UBA6: variants seen among roughly 807,000 people sequenced by gnomAD.
UBA6 encodes ubiquitin-like modifier-activating enzyme 6.
Under a neutral mutation model 148.3 loss-of-function variants are expected in UBA6, and 87 were observed. The observed-to-expected ratio is 0.59, with a 90% CI of 0.49 to 0.70. UBA6 has a LOEUF of 0.70. Ranked by LOEUF, UBA6 falls within the 30% of genes least tolerant of loss-of-function variation. The pLI is 0.00. For missense variants in UBA6, 1,186 were observed against 1,241.2 expected, an observed-to-expected ratio of 0.96 and a Z score of 0.67; for synonymous variants, 376 against 401.0, an observed-to-expected ratio of 0.94 and a Z score of 0.75.
intron 13 of UBA6, 49 bp from the exon 14 acceptor site, chr4:67,649,260 T>G: frequency 6.7e-7 from 1 of 1,499,778 alleles, no homozygotes; most frequent in Non-Finnish European, 9.0e-7. Flanking sequence ...ATTTACACAG[T>G]ACACTTAAAA....
intron 27 of UBA6, among the ~76,000 whole-genome samples, chr4:67,628,746 G>A (rs1728930292): frequency 6.6e-6 from 1 of 151,546 alleles, no homozygotes; most frequent in African/African-American, 2.4e-5. Flanking sequence ...TAACAACAGG[G>A]GATCTTTATG....
chr4:67,649,815 T>C (rs1052255092), intron 13 of UBA6, among the ~76,000 whole-genome samples: 2 of 152,184 alleles, frequency 1.3e-5, no homozygotes, highest in African/African-American at 4.8e-5. Flanking sequence ...CAATTTCTTA[T>C]ATGTGACAAA....
intron 23 of UBA6, among the ~76,000 whole-genome samples, chr4:67,632,772 A>C (rs1729029531): frequency 1.3e-5 from 2 of 152,140 alleles, no homozygotes; most frequent in Non-Finnish European, 2.9e-5. Context: ...GGCAGGGATC[A>C]CTTGAGCCCA....
chr4:67,665,213 A>G lies in UBA6; in HGVS notation c.873T>C (p.Val291=), dbSNP rs1729962672. ...PYLHGGIAVQ[V]KTPKTVFFES... is the part of the protein sequence containing the mutation. ...CAAAAAAAACTGTTTTAGGAGTCTTAACTTGGACAGCTATGCCTCCATGTA... is the reference window on the plus strand; with the variant it reads ...CAAAAAAAACTGTTTTAGGAGTCTTGACTTGGACAGCTATGCCTCCATGTA... The change falls in exon 10 of 33, where the codon GTT becomes GTC. Residue 291 remains valine, a synonymous_variant. Transcript: ENST00000322244. The G allele has an allele frequency of 6.3e-7, 1 of 1,597,906 alleles. No homozygotes were observed. Among genetic ancestry groups the G allele is most frequent in the East Asian group, 2.2e-5 (1 of 44,590 alleles).
Position 67,630,457 on chromosome 4 carries a change from A to T in UBA6, c.2328+9T>A. ...TGCATCACTTGCTAAGGCTTAAAGA[A>T]TATCTTACCTCTTCTGCAAATGGAA... On this transcript the variant is annotated intron_variant, in intron 26 of 32. Coordinates refer to ENST00000322244, the MANE Select transcript of UBA6 (RefSeq NM_018227.6). The T allele has an allele frequency of 6.3e-7, 1 of 1,576,156 alleles. No homozygotes were observed. The highest frequency in any genetic ancestry group is 8.6e-7 in the Non-Finnish European group (1 of 1,158,886).
intron 13 of UBA6, among the ~76,000 whole-genome samples, chr4:67,653,916 CA>C (rs1409768426): frequency 6.6e-6 from 1 of 151,988 alleles, no homozygotes; most frequent in African/African-American, 2.4e-5. Flanking sequence ...CTGATTCGAT[CA>C]AATGGAAGAA....
rs898350598 is a variant in UBA6 at position 67,662,129 on chromosome 4, T to C, written c.1104+60A>G. 8 of 1,512,122 alleles carry C rather than the reference T, an allele frequency of 5.3e-6. No individual in the cohort carries two copies. In the South Asian group the frequency reaches 6.7e-5, roughly 13 times the overall value. The allele number at this position is 1,512,122 out of a possible 1,614,324, so 93.7% of individuals were successfully genotyped here. Reference sequence around the variant, plus strand: ...TGTGAAGGATAAGAGAATACTAATATACAGAACACTTATGTATTAACAAAC... The same window carrying C: ...TGTGAAGGATAAGAGAATACTAATACACAGAACACTTATGTATTAACAAAC... On this transcript the variant is annotated intron_variant, in intron 13 of 32. Transcript: ENST00000322244.
intron 13 of UBA6, among the ~76,000 whole-genome samples, chr4:67,652,723 T>C (rs1343564784): frequency 1.3e-5 from 2 of 152,212 alleles, no homozygotes; most frequent in Non-Finnish European, 2.9e-5. Context: ...GGGCGGTATG[T>C]CACCTCACCC....
At chr4:67,697,574 T>C (rs1730870877) in intron 1 of UBA6, among the ~76,000 whole-genome samples, 1 of 152,228 alleles carries the variant, frequency 6.6e-6, no homozygotes, top group Non-Finnish European at 1.5e-5. Context: ...TAATCTATTC[T>C]TCCTGTCTTT....
intron 2 of UBA6, among the ~76,000 whole-genome samples, chr4:67,693,017 T>C (rs980070679): frequency 6.6e-6 from 1 of 152,172 alleles, no homozygotes; most frequent in Non-Finnish European, 1.5e-5. Context: ...CAGTATTGTA[T>C]AGAAACATTT....
intron 12 of UBA6, 98 bp downstream of exon 12, chr4:67,663,041 T>C (rs1345628166): frequency 1.0e-5 from 8 of 772,948 alleles, no homozygotes; most frequent in African/African-American, 1.8e-5. Context: ...TCTATTGGTA[T>C]TGTAATTACA....
chr4:67,687,998 T>G (rs191296644), intron 2 of UBA6, among the ~76,000 whole-genome samples: 73 of 152,270 alleles, frequency 4.8e-4, no homozygotes, highest in Non-Finnish European at 2.2e-4. Flanking sequence ...AGAGTCATAG[T>G]AGTAAAAGCA....
Position 67,678,542 on chromosome 4 carries a change from A to C in UBA6, c.259-9T>G, listed in dbSNP as rs1730346024. 29 of 1,564,290 alleles carry C rather than the reference A, an allele frequency of 1.9e-5. No individual in the cohort carries two copies. The East Asian group carries it at 6.6e-4, about 36-fold the overall frequency. On this transcript the variant is annotated splice_polypyrimidine_tract_variant and intron_variant, in intron 4 of 32. Transcript: ENST00000322244. ...TCATGAATTGTAACTGCCTTCAAAA[A>C]AGAAAAAAGTATTGGTTGAAGTCAG...
At chr4:67,648,399 C>T (rs368237366) in intron 14 of UBA6, among the ~76,000 whole-genome samples, 12 of 146,006 alleles carry the variant, frequency 8.2e-5, no homozygotes, top group African/African-American at 2.8e-4. Flanking sequence ...ACCCGGCAGA[C>T]AGAGGTTGCA....
chr4:67,674,538 C>T (rs181829617), intron 6 of UBA6, among the ~76,000 whole-genome samples: 1 of 151,960 alleles, frequency 6.6e-6, no homozygotes, highest in East Asian at 1.9e-4. Flanking sequence ...GGGACGGGGG[C>T]GAGGAAGAAA....
chr4:67,670,617 A>T, intron 7 of UBA6, 25 bp from the exon 8 acceptor site: 4 of 1,571,340 alleles, frequency 2.5e-6, no homozygotes, highest in Non-Finnish European at 3.5e-6. Context: ...AAACAAGTTC[A>T]ATCTTATTTA....
At chr4:67,645,575 TGACAGAGC>T (rs1479159178) in intron 16 of UBA6, among the ~76,000 whole-genome samples, 1 of 151,072 alleles carries the variant, frequency 6.6e-6, no homozygotes, top group Non-Finnish European at 1.5e-5. Flanking sequence ...CCAGCCTGAG[TGACAGAGC>T]GAGACTTTGT....
At chr4:67,676,769 G>A (rs925923342) in intron 6 of UBA6, among the ~76,000 whole-genome samples, 44 of 151,922 alleles carry the variant, frequency 2.9e-4, no homozygotes, top group African/African-American at 8.9e-4. Flanking sequence ...TTTTGAGCTC[G>A]GATAGTCATT....
chr4:67,658,092 G>A (rs549168927), intron 13 of UBA6, among the ~76,000 whole-genome samples: 8 of 152,136 alleles, frequency 5.3e-5, no homozygotes, highest in Non-Finnish European at 2.9e-5. Flanking sequence ...CACTGTTGGT[G>A]GGAGTGTAAA....
Sources: allele counts gnomAD v4.1 joint callset (sites outside exome capture counted in the v4.1 genomes callset), GRCh38; gene constraint gnomAD v4.1.1; transcripts MANE v1.5; gene names NCBI Gene and HGNC (gene_info 2026-07-23, HGNC 2026-07-21).